The following TEKT3 variants were observed in gnomAD, a reference collection of about 807,000 sequenced individuals.
TEKT3 encodes the protein tektin-3.
TEKT3 carries 49 observed loss-of-function variants against 49.8 expected under a neutral mutation model. That is an observed-to-expected ratio of 0.98 (90% confidence interval 0.78 to 1.25). TEKT3 has a LOEUF of 1.25. Ranked by LOEUF, TEKT3 falls within the 50% of genes most tolerant of loss-of-function variation. TEKT3 has a pLI of 0.00. For synonymous variants in TEKT3, 225 were observed against 237.2 expected (o/e 0.95, Z 0.47); for missense variants, 595 against 629.5 (o/e 0.95, Z 0.59).
At chr17:15,327,495 G>A (rs896191800) in intron 4 of TEKT3, among the ~76,000 whole-genome samples, 13 of 150,028 alleles carry the variant, frequency 8.7e-5, no homozygotes, top group African/African-American at 3.0e-4. Flanking sequence ...CAGCCTGGGC[G>A]ATAAGAGCAA....
At chr17:15,342,879 T>C (rs1322726907), upstream of TEKT3, among the ~76,000 whole-genome samples, 1 of 152,218 alleles carries the variant, frequency 6.6e-6, no homozygotes, top group East Asian at 1.9e-4. Context: ...TCCCACTATG[T>C]TCCTTATCAG....
At chr17:15,336,646 TAGA>T (rs1354198917) in intron 2 of TEKT3, among the ~76,000 whole-genome samples, 1 of 152,078 alleles carries the variant, frequency 6.6e-6, no homozygotes, top group African/African-American at 2.4e-5. Flanking sequence ...ATTAATAAAA[TAGA>T]AGTAAATTAT....
At chr17:15,330,978 A>G in intron 3 of TEKT3, 29 bp downstream of exon 3, 1 of 1,544,930 alleles carries the variant, frequency 6.5e-7, no homozygotes, top group Admixed American at 2.0e-5. Flanking sequence ...AATCATAAAA[A>G]TTCAGTGTGT....
chr17:15,320,337 T>A (rs932496978), intron 4 of TEKT3, among the ~76,000 whole-genome samples: 1 of 152,224 alleles, frequency 6.6e-6, no homozygotes, highest in Non-Finnish European at 1.5e-5. Flanking sequence ...TTTTCATTTG[T>A]GAGGGTTATA....
rs561785480 is a variant in TEKT3, at chr17:15,308,683, G to T, written c.1237C>A (p.Arg413=). The change falls in exon 8 of 9, where the codon CGA becomes AGA. Residue 413 remains arginine (R), a synonymous_variant. Transcript: ENST00000395930. The stretch of plus-strand genomic sequence containing the variant: ...CCTTACCGTAGCTGAGCCATGTCTC[G>T]GCACAACTCAATGTTCGGCCGTCTT... ...RTRRPNIELC[R]DMAQLRLVNE... is the part of the protein sequence containing the mutation. The T allele has an allele frequency of 6.2e-7, 1 of 1,609,576 alleles. No homozygotes were observed. Among genetic ancestry groups the T allele is most frequent in the East Asian group, 2.2e-5 (1 of 44,748 alleles).
chr17:15,336,183 A>T lies in TEKT3; in HGVS notation c.-30+3845T>A, dbSNP rs60579724. Reference sequence around the variant, plus strand: ...CACCACTCCAAGGCTCATAATCAAAATGCTGAAAACCAGGGATAGAGAGAA... The same window carrying T: ...CACCACTCCAAGGCTCATAATCAAATTGCTGAAAACCAGGGATAGAGAGAA... On this transcript the variant is annotated intron_variant, in intron 2 of 8. Transcript: ENST00000395930. Among the ~76,000 whole-genome samples the T allele has an allele frequency of 3.8e-4, 58 of 152,176 alleles. No homozygotes were observed. In the East Asian group the frequency reaches 0.011, roughly 29 times the overall value.
intron 5 of TEKT3, among the ~76,000 whole-genome samples, chr17:15,317,779 T>TTTA (rs1258251413): frequency 6.6e-6 from 1 of 152,060 alleles, no homozygotes; most frequent in Non-Finnish European, 1.5e-5. Flanking sequence ...TGAGACCTTC[T>TTTA]TTATTATTAT....
At chr17:15,305,797 A>G (rs1910518007) in intron 8 of TEKT3, among the ~76,000 whole-genome samples, 1 of 152,128 alleles carries the variant, frequency 6.6e-6, no homozygotes, top group African/African-American at 2.4e-5. Context: ...TAAAAAAAAA[A>G]AAAAAATCGA....
intron 6 of TEKT3, among the ~76,000 whole-genome samples, chr17:15,313,551 C>A (rs968700127): frequency 1.3e-5 from 2 of 151,818 alleles, no homozygotes; most frequent in African/African-American, 4.8e-5. Flanking sequence ...ACTCTGTCAC[C>A]CAGGCTGGAG....
In TEKT3 at chr17:15,337,456, AC is replaced by A. The variant is rs771701198; in HGVS notation, c.-30+2571del. ...TAATTAAACAATCCAATTAAAAGGC[AC>A]AGATTATTAGAAATCGTTTTTAAAT... On this transcript the variant is annotated intron_variant, in intron 2 of 8. Coordinates refer to ENST00000395930, the MANE Select transcript of TEKT3 (RefSeq NM_031898.3). Among the ~76,000 whole-genome samples, 6 of 152,364 alleles carry A rather than the reference AC, an allele frequency of 3.9e-5. No individual in the cohort carries two copies. The East Asian group carries it at 1.2e-3, about 29-fold the overall frequency.
intron 5 of TEKT3, among the ~76,000 whole-genome samples, chr17:15,314,499 G>A (rs946265338): frequency 2.6e-5 from 4 of 152,140 alleles, no homozygotes; most frequent in Admixed American, 2.0e-4. Flanking sequence ...GATAAACAGG[G>A]GTCCAGGATC....
At chr17:15,341,840 G>A (rs375938), upstream of TEKT3, among the ~76,000 whole-genome samples, 74,607 of 152,008 alleles carry the variant, frequency 0.49, 19,026 homozygotes, top group African/African-American at 0.62. Flanking sequence ...AGGTGAAAGG[G>A]GTGAAGAGTA....
intron 3 of TEKT3, among the ~76,000 whole-genome samples, chr17:15,330,407 AT>A (rs1321588616): frequency 6.6e-6 from 1 of 152,110 alleles, no homozygotes; most frequent in East Asian, 1.9e-4. Context: ...TAGATCCTTC[AT>A]GAATGGTTTA....
intron 6 of TEKT3, 50 bp downstream of exon 6, chr17:15,314,037 A>G: frequency 6.2e-7 from 1 of 1,611,822 alleles, no homozygotes; most frequent in South Asian, 1.1e-5. Flanking sequence ...TCGAAAGGAG[A>G]AAGAGTTAAA....
intron 4 of TEKT3, among the ~76,000 whole-genome samples, chr17:15,321,093 T>TCCAC (rs1911234408): frequency 6.6e-6 from 1 of 151,052 alleles, no homozygotes; most frequent in South Asian, 2.1e-4. Flanking sequence ...CACTGCAAGC[T>TCCAC]CCACCCCCCG....
upstream of TEKT3, among the ~76,000 whole-genome samples, chr17:15,342,869 T>TC (rs947520006): frequency 6.6e-6 from 1 of 152,034 alleles, no homozygotes; most frequent in African/African-American, 2.4e-5. Flanking sequence ...TGACTAGTTT[T>TC]CCCACTATGT....
intron 7 of TEKT3, 93 bp from the exon 8 acceptor site, chr17:15,308,911 C>A (rs778320302): frequency 4.1e-6 from 6 of 1,473,792 alleles, no homozygotes; most frequent in Non-Finnish European, 5.6e-6. Flanking sequence ...ATGTCCAGCA[C>A]GTGCCTTGAC....
At chr17:15,339,126 G>T (rs1912123651) in intron 2 of TEKT3, among the ~76,000 whole-genome samples, 1 of 152,056 alleles carries the variant, frequency 6.6e-6, no homozygotes, top group Non-Finnish European at 1.5e-5. Context: ...TTGTGGGAGT[G>T]GATTAGTTAT....
chr17:15,313,127 G>T (rs1910842639), intron 6 of TEKT3, among the ~76,000 whole-genome samples: 1 of 152,152 alleles, frequency 6.6e-6, no homozygotes, highest in Non-Finnish European at 1.5e-5. Context: ...TGAAAAATGA[G>T]AAACTACCTA....
Sources: gnomAD v4.1 joint callset for allele counts (sites outside exome capture counted in the v4.1 genomes callset) on GRCh38, gnomAD v4.1.1 for gene constraint, MANE v1.5 for transcripts, NCBI Gene and HGNC (gene_info 2026-07-23, HGNC 2026-07-21) for gene names.